IFT88: variants seen among roughly 807,000 people sequenced by gnomAD.
IFT88 encodes intraflagellar transport 88.
A neutral mutation model predicts 119.5 loss-of-function variants in IFT88; 74 were observed. That is an observed-to-expected ratio of 0.62 (90% CI 0.51 to 0.75). The LOEUF (loss-of-function observed/expected upper bound fraction) is 0.75, where lower values mean the gene tolerates loss of function less well. IFT88 is among the 30% of genes least tolerant of loss of function. The probability of loss-of-function intolerance (pLI) is 0.00; values close to 1 mark genes in which losing one functional copy is unlikely to be tolerated. For missense variants in IFT88, 961 were observed against 977.7 expected (o/e 0.98, Z 0.23); for synonymous variants, 279 against 316.7 (o/e 0.88, Z 1.26).
intron 16 of IFT88, among the ~76,000 whole-genome samples, chr13:20,632,612 C>G (rs2048372644): frequency 6.6e-6 from 1 of 152,230 alleles, no homozygotes; most frequent in Non-Finnish European, 1.5e-5. Flanking sequence ...TTTAAATTTA[C>G]TGTCCTGACC....
intron 2 of IFT88, among the ~76,000 whole-genome samples, chr13:20,580,499 C>T (rs970069708): frequency 4.6e-5 from 7 of 151,904 alleles, no homozygotes; most frequent in African/African-American, 9.7e-5. Context: ...GCCAAGATCA[C>T]GCCATTGCAC....
chr13:20,611,238 G>C (rs1389061081), intron 13 of IFT88, among the ~76,000 whole-genome samples: 4 of 151,632 alleles, frequency 2.6e-5, no homozygotes, highest in South Asian at 2.1e-4. Flanking sequence ...AGTCCAACAA[G>C]AAACAAGTAG....
intron 22 of IFT88, chr13:20,663,243 C>T: frequency 1.4e-6 from 2 of 1,434,858 alleles, no homozygotes; most frequent in Non-Finnish European, 1.8e-6. Context: ...CAGCAGTGTC[C>T]TGTGCCATGT....
At chr13:20,626,012 A>C (rs1030859292) in intron 15 of IFT88, among the ~76,000 whole-genome samples, 163 bp downstream of exon 15, 1 of 136,304 alleles carries the variant, frequency 7.3e-6, no homozygotes, top group Non-Finnish European at 1.6e-5. Context: ...ATAGTTTTAA[A>C]CTTTTATTAA....
At chr13:20,567,459 A>T (rs1013288351) in intron 1 of IFT88, among the ~76,000 whole-genome samples, 1 of 152,254 alleles carries the variant, frequency 6.6e-6, no homozygotes, top group Non-Finnish European at 1.5e-5. Flanking sequence ...TTGTCTACTC[A>T]GAAACGCGGG....
chr13:20,625,512 A>G (rs1456236336), intron 14 of IFT88, among the ~76,000 whole-genome samples: 1 of 152,194 alleles, frequency 6.6e-6, no homozygotes, highest in Admixed American at 6.5e-5. Context: ...GTATCAGTCC[A>G]ATTTTTACTT....
At chr13:20,643,350 C>A in intron 18 of IFT88, 105 bp from the exon 19 acceptor site, 1 of 829,084 alleles carries the variant, frequency 1.2e-6, no homozygotes, top group Non-Finnish European at 1.9e-6. Flanking sequence ...TATACAATAG[C>A]ACATTACTGT....
rs546040905 is a variant in IFT88, at chr13:20,572,359, C to G, written c.-6-2021C>G. On this transcript the variant is annotated intron_variant, in intron 1 of 25. Coordinates refer to ENST00000351808, the MANE Select transcript of IFT88 (RefSeq NM_006531.5). ...TCAGCCTCCCAAATAGCTGGAATTACAGATGTGCACCACCATGCCCGGCTA... is the reference window on the plus strand; with the variant it reads ...TCAGCCTCCCAAATAGCTGGAATTAGAGATGTGCACCACCATGCCCGGCTA... 2.0e-5 allele frequency among the ~76,000 whole-genome samples: 3 copies of G among 152,120 alleles called. No individual in the cohort carries two copies. In the East Asian group the frequency reaches 5.8e-4, roughly 29 times the overall value.
rs947722883 is a variant in IFT88 at position 20,643,439 on chromosome 13, A to G, written c.1683-16A>G. ...GAATTTAGAAAACATGTTTTCCTTAACTGACATTGCATAAGATATGAATTA... is the reference window on the plus strand; with the variant it reads ...GAATTTAGAAAACATGTTTTCCTTAGCTGACATTGCATAAGATATGAATTA... On this transcript the variant is annotated splice_polypyrimidine_tract_variant and intron_variant, in intron 18 of 25. Transcript: ENST00000351808. The G allele has an allele frequency of 6.4e-7, 1 of 1,573,146 alleles. No individual in the cohort carries two copies. Among genetic ancestry groups the G allele is most frequent in the Non-Finnish European group, 8.6e-7 (1 of 1,164,182 alleles).
intron 24 of IFT88, among the ~76,000 whole-genome samples, chr13:20,679,379 G>A (rs887904740): frequency 6.6e-6 from 1 of 152,190 alleles, no homozygotes; most frequent in Non-Finnish European, 1.5e-5. Context: ...GGCAGTAGCT[G>A]TGACAGCAGT....
At chr13:20,654,866 A>G (rs561633688) in intron 21 of IFT88, among the ~76,000 whole-genome samples, 3 of 152,310 alleles carry the variant, frequency 2.0e-5, no homozygotes, top group Non-Finnish European at 2.9e-5. Flanking sequence ...ATACATATGA[A>G]CTATTCTAAA....
rs376051328 is a variant in IFT88 at position 20,615,774 on chromosome 13, T to G, written c.1113-19T>G. On this transcript the variant is annotated intron_variant, in intron 13 of 25. Coordinates refer to ENST00000351808, the MANE Select transcript of IFT88 (RefSeq NM_006531.5). The stretch of plus-strand genomic sequence containing the variant: ...TATACTGTATCTCTAAATACAACTT[T>G]TTGGTTTATTTGATATAGGAAAGCC... 2.7e-5 allele frequency: 39 copies of G among 1,454,554 alleles called. No homozygotes were observed. The highest frequency in any genetic ancestry group is 3.6e-5 in the Non-Finnish European group (38 of 1,052,626). 90.1% of individuals were successfully genotyped at this position (1,454,554 alleles called of 1,614,324 possible).
chr13:20,644,987 G>A (rs2050515110), intron 20 of IFT88, 29 bp downstream of exon 20: 2 of 1,054,934 alleles, frequency 1.9e-6, no homozygotes, highest in East Asian at 4.9e-5. Flanking sequence ...TTTATGTTTA[G>A]TTAATGTCAT....
At chr13:20,626,043 CTTTTTTTTTTTTTTTTTTT>C (rs528587128) in intron 15 of IFT88, among the ~76,000 whole-genome samples, 194 bp downstream of exon 15, 5 of 39,540 alleles carry the variant, frequency 1.3e-4, no homozygotes, top group Admixed American at 4.8e-4. Flanking sequence ...TTTGTCGTTT[CTTTTTTTTTTTTTTTTTTT>C]TTTTTTTTTT....
intron 21 of IFT88, among the ~76,000 whole-genome samples, chr13:20,654,573 T>C (rs187627368): frequency 3.3e-5 from 5 of 152,326 alleles, no homozygotes; most frequent in South Asian, 2.1e-4. Context: ...AAAGAAAGTA[T>C]TCAATCTAAG....
chr13:20,633,416 A>G (rs1266714851), intron 16 of IFT88, among the ~76,000 whole-genome samples: 1 of 152,230 alleles, frequency 6.6e-6, no homozygotes, highest in East Asian at 1.9e-4. Flanking sequence ...AGGAAGGGGG[A>G]CAAGGTGCCT....
intron 13 of IFT88, chr13:20,607,623 G>T: frequency 2.4e-6 from 2 of 826,786 alleles, no homozygotes; most frequent in African/African-American, 3.3e-5. Flanking sequence ...CTGCCACGCT[G>T]TTTTTTTATG....
At chr13:20,581,852 C>CA (rs10555158) in intron 2 of IFT88, among the ~76,000 whole-genome samples, 1,292 of 121,238 alleles carry the variant, frequency 0.011, 18 homozygotes, top group African/African-American at 0.027. Context: ...AACCCTGTCT[C>CA]AAAAAAAAAA....
At chr13:20,591,717 G>T in intron 6 of IFT88, 36 bp downstream of exon 6, 4 of 1,351,884 alleles carry the variant, frequency 3.0e-6, no homozygotes, top group East Asian at 4.7e-5. Flanking sequence ...ATCTTTTTTG[G>T]ATCTTTTAAT....
Sources: allele counts gnomAD v4.1 joint callset (sites outside exome capture counted in the v4.1 genomes callset), GRCh38; gene constraint gnomAD v4.1.1; transcripts MANE v1.5; gene names NCBI Gene and HGNC (gene_info 2026-07-23, HGNC 2026-07-21).